The following EBF1 variants were observed in gnomAD, a reference collection of about 807,000 sequenced individuals.
EBF1 encodes transcription factor COE1.
In EBF1, 10 loss-of-function variants were observed where a neutral mutation model predicts 68.4. The ratio of observed to expected loss-of-function variants is 0.15; its 90% CI spans 0.09 to 0.25. EBF1 has a LOEUF of 0.25. EBF1 is among the 10% of genes least tolerant of loss of function. The pLI is 1.00. For synonymous variants in EBF1, 298 were observed against 299.8 expected, an observed-to-expected ratio of 0.99 and a Z score of 0.06; for missense variants, 509 against 794.4, an observed-to-expected ratio of 0.64 and a Z score of 4.32.
intron 4 of EBF1, among the ~76,000 whole-genome samples, chr5:159,091,153 T>C (rs1470239368): frequency 9.2e-5 from 14 of 152,214 alleles, no homozygotes; most frequent in African/African-American, 3.4e-4. Flanking sequence ...TTTTTAATGC[T>C]GTTCAAACAT....
intron 6 of EBF1, among the ~76,000 whole-genome samples, chr5:158,991,139 TTAAA>T (rs1394025073): frequency 2.6e-5 from 4 of 152,232 alleles, no homozygotes; most frequent in African/African-American, 9.7e-5. Context: ...TCTACGTTTG[TTAAA>T]TAGAGTTAAT....
chr5:158,976,737 T>C (rs1756838317), intron 6 of EBF1, among the ~76,000 whole-genome samples: 1 of 152,326 alleles, frequency 6.6e-6, no homozygotes, highest in Non-Finnish European at 1.5e-5. Flanking sequence ...AGTCAATATC[T>C]TTGAGATTCT....
chr5:158,698,855 C>A lies in EBF1; in HGVS notation c.*256G>T. The A allele has an allele frequency of 2.8e-6, 1 of 362,598 alleles. No homozygotes were observed. 22.5% of individuals were successfully genotyped at this position (362,598 alleles called of 1,614,324 possible). On this transcript the variant is annotated 3_prime_UTR_variant, in exon 16 of 16. Coordinates refer to ENST00000313708, the MANE Select transcript of EBF1 (RefSeq NM_024007.5). ...AAAAGAAAAAGAAAAAGTGGATTTGCTTTTGTCAATACAGAATAAATATAT... is the reference window on the plus strand; with the variant it reads ...AAAAGAAAAAGAAAAAGTGGATTTGATTTTGTCAATACAGAATAAATATAT...
chr5:158,891,620 A>ATG (rs904785526), intron 6 of EBF1, among the ~76,000 whole-genome samples: 17 of 151,760 alleles, frequency 1.1e-4, no homozygotes, highest in East Asian at 1.9e-4. Flanking sequence ...ATGCATATAT[A>ATG]TGTGTGTGTG....
At chr5:158,777,277 T>A in intron 10 of EBF1, 136 bp downstream of exon 10, 1 of 1,034,168 alleles carries the variant, frequency 9.7e-7, no homozygotes, top group Non-Finnish European at 1.3e-6. Context: ...TGGTCATACA[T>A]ATGGTAAAAT....
chr5:158,721,612 C>G (rs1484527200), intron 11 of EBF1, among the ~76,000 whole-genome samples: 1 of 152,102 alleles, frequency 6.6e-6, no homozygotes, highest in Non-Finnish European at 1.5e-5. Context: ...TAATTTTTAT[C>G]TGGTGCCTCA....
chr5:158,995,536 G>T (rs527971575), intron 6 of EBF1, among the ~76,000 whole-genome samples: 1 of 152,268 alleles, frequency 6.6e-6, no homozygotes, highest in African/African-American at 2.4e-5. Flanking sequence ...TGCAAGAGAG[G>T]CTCTTGACAC....
intron 6 of EBF1, among the ~76,000 whole-genome samples, chr5:158,854,497 AT>A (rs758391731): frequency 6.6e-6 from 1 of 152,212 alleles, no homozygotes; most frequent in Non-Finnish European, 1.5e-5. Flanking sequence ...GGCAGTGCAT[AT>A]TTACCAGCAT....
chr5:158,826,232 G>A (rs989567466), intron 7 of EBF1, among the ~76,000 whole-genome samples: 5 of 151,498 alleles, frequency 3.3e-5, no homozygotes, highest in East Asian at 1.9e-4. Context: ...ATGAGAATAC[G>A]AAGGAAAAGA....
intron 9 of EBF1, among the ~76,000 whole-genome samples, chr5:158,785,138 C>A (rs1777174773): frequency 6.6e-6 from 1 of 152,108 alleles, no homozygotes; most frequent in Non-Finnish European, 1.5e-5. Flanking sequence ...AGACATGAAG[C>A]AGACACTTAA....
At chr5:158,986,164 A>G (rs1226327115) in intron 6 of EBF1, among the ~76,000 whole-genome samples, 1 of 152,192 alleles carries the variant, frequency 6.6e-6, no homozygotes, top group Non-Finnish European at 1.5e-5. Context: ...ATTAAGAAAC[A>G]GCATGATTTC....
chr5:158,937,541 A>G (rs1206862839), intron 6 of EBF1, among the ~76,000 whole-genome samples: 1 of 152,246 alleles, frequency 6.6e-6, no homozygotes, highest in East Asian at 1.9e-4. Flanking sequence ...ATGAAGGGAA[A>G]GAATTGCTCA....
intron 6 of EBF1, among the ~76,000 whole-genome samples, chr5:158,863,151 C>G (rs907210228): frequency 2.3e-4 from 35 of 152,168 alleles, no homozygotes; most frequent in African/African-American, 8.4e-4. Context: ...GTTTGGAACT[C>G]TAACTCATTT....
At chr5:158,894,174 G>T (rs1258789189) in intron 6 of EBF1, among the ~76,000 whole-genome samples, 1 of 152,044 alleles carries the variant, frequency 6.6e-6, no homozygotes, top group Admixed American at 6.6e-5. Context: ...AGCAAACATG[G>T]CAGAGTCCAC....
At position 158,699,016 on chromosome 5, in the gene EBF1, C is replaced by T; in HGVS notation, c.*95G>A. The T allele has an allele frequency of 1.7e-5, 20 of 1,176,178 alleles. No homozygotes were observed. Among genetic ancestry groups the T allele is most frequent in the East Asian group, 2.6e-5 (1 of 38,648 alleles). The allele number at this position is 1,176,178 out of a possible 1,614,324, so 72.9% of individuals were successfully genotyped here. On this transcript the variant is annotated 3_prime_UTR_variant, in exon 16 of 16. Transcript: ENST00000313708. ...GTTATTGTGATTCCTCTTAAAAAGG[C>T]CTGAGTTAAAAGTTCCACTCTGGGA...
chr5:158,884,993 G>T (rs892385359), intron 6 of EBF1, among the ~76,000 whole-genome samples: 6 of 152,184 alleles, frequency 3.9e-5, no homozygotes, highest in Non-Finnish European at 7.3e-5. Context: ...TCTCACAAAT[G>T]GAGAGAAGGG....
chr5:159,025,864 TG>T (rs1767624764), intron 6 of EBF1, among the ~76,000 whole-genome samples: 3 of 152,236 alleles, frequency 2.0e-5, no homozygotes, highest in South Asian at 4.1e-4. Flanking sequence ...AAAAAAGCCC[TG>T]GGCAATTCAA....
chr5:158,773,512 G>A (rs937495999), intron 10 of EBF1, among the ~76,000 whole-genome samples: 2 of 152,142 alleles, frequency 1.3e-5, no homozygotes. Flanking sequence ...TCATTCATCA[G>A]GGTTTTCACC....
At chr5:158,954,620 G>T (rs1241157642) in intron 6 of EBF1, among the ~76,000 whole-genome samples, 2 of 152,150 alleles carry the variant, frequency 1.3e-5, no homozygotes, top group Non-Finnish European at 2.9e-5. Flanking sequence ...CAGATTCCAG[G>T]AACCTTAACC....
Sources: allele counts gnomAD v4.1 joint callset (sites outside exome capture counted in the v4.1 genomes callset), GRCh38; gene constraint gnomAD v4.1.1; transcripts MANE v1.5; gene names NCBI Gene and HGNC (gene_info 2026-07-23, HGNC 2026-07-21).